The following NYAP2 variants were observed in gnomAD, a reference collection of about 807,000 sequenced individuals.
NYAP2 encodes the protein neuronal tyrosine-phosphorylated phosphoinositide-3-kinase adapter 2.
Under a neutral mutation model 50.4 loss-of-function variants are expected in NYAP2, and 23 were observed. The ratio of observed to expected loss-of-function variants is 0.46; its 90% CI spans 0.33 to 0.65. The LOEUF is 0.65. Among genes scored for constraint, NYAP2 ranks in the 30% least tolerant of loss-of-function variants. The pLI is 0.02. For synonymous variants in NYAP2, 394 were observed against 365.2 expected, an observed-to-expected ratio of 1.08 and a Z score of -0.90; for missense variants, 885 against 861.0, an observed-to-expected ratio of 1.03 and a Z score of -0.35.
chr2:225,484,333 G>A (rs1313901184), intron 3 of NYAP2, among the ~76,000 whole-genome samples: 1 of 152,182 alleles, frequency 6.6e-6, no homozygotes, highest in East Asian at 1.9e-4. Flanking sequence ...TAGCTAGGAG[G>A]GCAGCCCTTC....
At chr2:225,652,097 GA>G (rs1693742186) in exon 7 of NYAP2, 1 of 152,458 alleles carries the variant, frequency 6.6e-6, no homozygotes, top group Non-Finnish European at 1.5e-5. Context: ...AGACACTGTT[GA>G]ATATTGATGT....
intron 4 of NYAP2, among the ~76,000 whole-genome samples, chr2:225,520,721 T>C (rs1691037820): frequency 6.6e-6 from 1 of 152,222 alleles, no homozygotes; most frequent in Admixed American, 6.5e-5. Flanking sequence ...CCTCCAGCTT[T>C]GTTCTTTTGG....
intron 5 of NYAP2, among the ~76,000 whole-genome samples, chr2:225,614,270 C>T (rs763801118): frequency 6.6e-6 from 1 of 152,108 alleles, no homozygotes; most frequent in Non-Finnish European, 1.5e-5. Context: ...ATGTTAAGAA[C>T]AGTTAATATT....
At chr2:225,513,530 A>T in exon 4 of NYAP2, 1 of 1,613,278 alleles carries the variant, frequency 6.2e-7, no homozygotes, top group South Asian at 1.1e-5. Flanking sequence ...TTGGGGGCAC[A>T]GACGATGACA....
chr2:225,540,044 A>G (rs1691430334), intron 4 of NYAP2, among the ~76,000 whole-genome samples: 1 of 152,214 alleles, frequency 6.6e-6, no homozygotes, highest in Non-Finnish European at 1.5e-5. Context: ...CCAGTTCCCA[A>G]CAATTTCCTC....
chr2:225,517,294 T>C (rs1690953786), intron 4 of NYAP2, among the ~76,000 whole-genome samples: 1 of 152,108 alleles, frequency 6.6e-6, no homozygotes, highest in South Asian at 2.1e-4. Flanking sequence ...TGAGGAAAGA[T>C]TAGATGATCT....
intron 5 of NYAP2, among the ~76,000 whole-genome samples, chr2:225,626,125 T>A (rs1207868753): frequency 2.0e-5 from 3 of 152,188 alleles, no homozygotes; most frequent in Non-Finnish European, 2.9e-5. Flanking sequence ...AAATTATCAG[T>A]TCAGTATCTG....
intron 4 of NYAP2, among the ~76,000 whole-genome samples, chr2:225,536,188 T>G (rs541128160): frequency 2.0e-5 from 3 of 152,220 alleles, no homozygotes; most frequent in African/African-American, 7.2e-5. Context: ...TACCCCTCAG[T>G]TGAACCCCCA....
intron 4 of NYAP2, among the ~76,000 whole-genome samples, chr2:225,534,270 G>T (rs1014141175): frequency 6.6e-6 from 1 of 152,194 alleles, no homozygotes; most frequent in Non-Finnish European, 1.5e-5. Flanking sequence ...CCCAAAGGAT[G>T]TGGGAATACT....
chr2:225,698,654 C>T, the NYAP2 span: 2 of 152,102 alleles, frequency 1.3e-5, no homozygotes, highest in African/African-American at 2.4e-5. Flanking sequence ...TGGAATGCCA[C>T]GGGAAGCTGT....
chr2:225,426,765 G>A (rs1457979645), intron 3 of NYAP2, among the ~76,000 whole-genome samples: 1 of 152,290 alleles, frequency 6.6e-6, no homozygotes, highest in South Asian at 2.1e-4. Flanking sequence ...GCCTGACTAT[G>A]AGTGATTTTA....
the NYAP2 span, among the ~76,000 whole-genome samples, chr2:225,694,222 T>C: frequency 6.6e-6 from 1 of 152,050 alleles, no homozygotes; most frequent in Non-Finnish European, 1.5e-5. Flanking sequence ...TTTACTGGGC[T>C]TGGCTTCAAA....
intron 3 of NYAP2, among the ~76,000 whole-genome samples, chr2:225,429,761 T>G (rs1695339268): frequency 6.6e-6 from 1 of 152,216 alleles, no homozygotes; most frequent in South Asian, 2.1e-4. Flanking sequence ...TCCATAAAGC[T>G]TCCTCTTGCA....
chr2:225,652,758 A>G (rs1489356249), exon 7 of NYAP2: 2 of 152,234 alleles, frequency 1.3e-5, no homozygotes, highest in African/African-American at 4.8e-5. Context: ...ATATTCATCT[A>G]TTATTTTAAA....
intron 2 of NYAP2, among the ~76,000 whole-genome samples, chr2:225,402,874 GA>G (rs1261060228): frequency 1.3e-5 from 2 of 151,694 alleles, no homozygotes; most frequent in East Asian, 3.9e-4. Context: ...GATTTTATCA[GA>G]AAAAAATTTT....
At chr2:225,577,078 G>A (rs1026296742) in intron 4 of NYAP2, among the ~76,000 whole-genome samples, 1 of 151,994 alleles carries the variant, frequency 6.6e-6, no homozygotes, top group African/African-American at 2.4e-5. Context: ...CAAGGCACGA[G>A]GTGAATTTCC....
At chr2:225,423,702 C>T (rs1354347277) in intron 3 of NYAP2, among the ~76,000 whole-genome samples, 1 of 152,104 alleles carries the variant, frequency 6.6e-6, no homozygotes, top group Non-Finnish European at 1.5e-5. Context: ...AGATAAAACC[C>T]TATTTTAGTG....
rs187595029 is a variant in NYAP2, at chr2:225,525,903, A to G, written c.523+12231A>G. 4.5e-3 allele frequency among the ~76,000 whole-genome samples: 691 copies of G among 152,326 alleles called. 1 individual carries two copies. Among genetic ancestry groups the G allele is most frequent in the African/African-American group, 0.016 (671 of 41,582 alleles). On this transcript the variant is annotated intron_variant, in intron 4 of 6. Transcript: ENST00000636099. ...TGTATCATCTTTGGACCTGAGGCAC[A>G]GTTGCTGGCTTGAAGATAGAGGGGC...
chr2:225,450,102 A>G (rs753667109), intron 3 of NYAP2, among the ~76,000 whole-genome samples: 33 of 152,142 alleles, frequency 2.2e-4, no homozygotes, highest in Non-Finnish European at 4.4e-4. Context: ...TTATTTAGAA[A>G]ACAGATGCCA....
Sources: gnomAD v4.1 joint callset for allele counts (sites outside exome capture counted in the v4.1 genomes callset) on GRCh38, gnomAD v4.1.1 for gene constraint, MANE v1.5 for transcripts, NCBI Gene and HGNC (gene_info 2026-07-23, HGNC 2026-07-21) for gene names.